Variants in MANBA observed in about 807,000 individuals in gnomAD.
MANBA encodes the protein beta-mannosidase.
In MANBA, 83 loss-of-function variants were observed where a neutral mutation model predicts 111.1. That is an observed-to-expected ratio of 0.75 (90% CI 0.63 to 0.90). The LOEUF (loss-of-function observed/expected upper bound fraction) is 0.90, where lower values mean the gene tolerates loss of function less well. MANBA is among the 40% of genes least tolerant of loss of function. The pLI, the probability that MANBA is intolerant of heterozygous loss-of-function variation, is 0.00. For synonymous variants in MANBA, 370 were observed against 378.7 expected (o/e 0.98, Z 0.27); for missense variants, 1,036 against 1,069.0 (o/e 0.97, Z 0.43).
chr4:102,639,980 T>C (rs1167315468), intron 13 of MANBA, 123 bp from the exon 14 acceptor site: 1 of 1,017,080 alleles, frequency 9.8e-7, no homozygotes, highest in Non-Finnish European at 1.5e-6. Flanking sequence ...TGGATAAAAT[T>C]AGGGAATTTA....
intron 16 of MANBA, 122 bp downstream of exon 16, chr4:102,634,666 C>G (rs960872164): frequency 2.3e-6 from 3 of 1,328,622 alleles, no homozygotes; most frequent in Non-Finnish European, 3.2e-6. Context: ...TTCCCCCAGG[C>G]CTCAGGTAAA....
At chr4:102,708,368 G>C (rs879695704) in intron 5 of MANBA, among the ~76,000 whole-genome samples, 1 of 151,952 alleles carries the variant, frequency 6.6e-6, no homozygotes, top group Non-Finnish European at 1.5e-5. Flanking sequence ...ACCTGCACAA[G>C]CACATGGAAA....
chr4:102,727,745 G>T, intron 1 of MANBA: 1 of 801,496 alleles, frequency 1.2e-6, no homozygotes, highest in Non-Finnish European at 2.2e-6. Flanking sequence ...GCATAGTAGT[G>T]TTTTCCATAA....
intron 13 of MANBA, among the ~76,000 whole-genome samples, chr4:102,649,707 T>C (rs959556566): frequency 2.0e-5 from 3 of 152,146 alleles, no homozygotes; most frequent in Non-Finnish European, 2.9e-5. Flanking sequence ...TCTCTCTTAA[T>C]GGTGTTTTTT....
chr4:102,738,713 G>T (rs1271952328), intron 1 of MANBA, among the ~76,000 whole-genome samples: 1 of 152,136 alleles, frequency 6.6e-6, no homozygotes, highest in Non-Finnish European at 1.5e-5. Context: ...ACCCCCAAAA[G>T]ATCACACTAG....
At chr4:102,640,929 A>G (rs967351446) in intron 13 of MANBA, among the ~76,000 whole-genome samples, 8 of 152,204 alleles carry the variant, frequency 5.3e-5, no homozygotes, top group African/African-American at 1.9e-4. Context: ...AAGAACCTGC[A>G]GGATATGTTA....
intron 1 of MANBA, among the ~76,000 whole-genome samples, chr4:102,738,950 T>C (rs1723310437): frequency 6.6e-6 from 1 of 151,640 alleles, no homozygotes; most frequent in African/African-American, 2.4e-5. Context: ...CTTAGAGAAA[T>C]GCAAAATACA....
chr4:102,698,823 T>G (rs1423412458), intron 5 of MANBA, among the ~76,000 whole-genome samples: 1 of 151,580 alleles, frequency 6.6e-6, no homozygotes, highest in African/African-American at 2.4e-5. Flanking sequence ...TGGCTTAGGA[T>G]TGACTTGGCG....
At position 102,664,818 on chromosome 4, in the gene MANBA, A is replaced by T. The variant is rs776221446; in HGVS notation, c.1352T>A (p.Ile451Lys). The T allele has an allele frequency of 5.6e-6, 9 of 1,608,574 alleles. No individual in the cohort carries two copies. The highest frequency in any genetic ancestry group is 7.7e-6 in the Non-Finnish European group (9 of 1,175,006). Reference protein sequence around the residue: ...KRLKSHPSIIIWSGNNENEEA... With the variant: ...KRLKSHPSIIKWSGNNENEEA... ...CTCATTTTCATTATTGCCACTCCAT[A>T]TGATGATAGAAGGATGAGATTTCAG... The change falls in exon 11 of 17, where the codon ATA becomes AAA. Residue 451 changes from isoleucine (I) to lysine (K), a missense_variant. Physicochemically the swap from Ile to Lys is moderately radical, Grantham distance 102. Coordinates refer to ENST00000647097, the MANE Select transcript of MANBA (RefSeq NM_005908.4).
chr4:102,752,395 A>C (rs1723842560), intron 1 of MANBA: 1 of 1,108,986 alleles, frequency 9.0e-7, no homozygotes, highest in Admixed American at 1.7e-5. Context: ...ACTGTCCCTA[A>C]CTTCAAATAC....
At chr4:102,744,568 C>T (rs969967939) in intron 1 of MANBA, among the ~76,000 whole-genome samples, 2 of 152,214 alleles carry the variant, frequency 1.3e-5, no homozygotes, top group African/African-American at 4.8e-5. Context: ...GGGAAAAAGA[C>T]ATTTGCCAAA....
intron 13 of MANBA, among the ~76,000 whole-genome samples, chr4:102,646,311 T>C (rs748096314): frequency 2.0e-5 from 3 of 152,150 alleles, no homozygotes; most frequent in Non-Finnish European, 4.4e-5. Flanking sequence ...AAGCTCAGTA[T>C]GACCTGGATC....
chr4:102,702,641 C>T (rs1378138242), intron 5 of MANBA, among the ~76,000 whole-genome samples: 2 of 151,976 alleles, frequency 1.3e-5, no homozygotes, highest in East Asian at 3.9e-4. Context: ...CTGTAGAAAC[C>T]ACTATTTTTA....
At chr4:102,665,201 G>A in intron 10 of MANBA, 1 of 251,598 alleles carries the variant, frequency 4.0e-6, no homozygotes, top group Middle Eastern at 1.6e-3. Context: ...AAATACAAAA[G>A]GCAGGAGACA....
intron 13 of MANBA, among the ~76,000 whole-genome samples, chr4:102,642,886 A>G (rs1010999785): frequency 1.6e-4 from 25 of 152,272 alleles, no homozygotes; most frequent in Middle Eastern, 3.4e-3. Context: ...AGTTCCCTCA[A>G]TATCTATATA....
rs747236675 is a variant in MANBA at position 102,634,814 on chromosome 4, C to T, written c.2389G>A (p.Val797Met). Residue 797 changes from valine to methionine, a missense_variant, in exon 16 of 17, where the codon GTG becomes ATG. Physicochemically the swap from Val to Met is conservative, Grantham distance 21 (BLOSUM62 1). Coordinates refer to ENST00000647097, the MANE Select transcript of MANBA (RefSeq NM_005908.4). ...GTGATCTGCGCCTTGCAGAGCCCCA[C>T]GGCCTCCTTCGGTGAGGACAAGAAG... ...YHFLSSPKEA[V>M]GLCKAQITAI... 40 of 1,613,904 alleles carry T rather than the reference C, an allele frequency of 2.5e-5. No individual in the cohort carries two copies. Among genetic ancestry groups the T allele is most frequent in the Non-Finnish European group, 2.8e-5 (33 of 1,180,028 alleles).
intron 7 of MANBA, among the ~76,000 whole-genome samples, chr4:102,684,401 T>A (rs957494509): frequency 6.6e-6 from 1 of 152,124 alleles, no homozygotes; most frequent in Non-Finnish European, 1.5e-5. Context: ...CAGTTTAGCA[T>A]AATCTACAAA....
At position 102,722,053 on chromosome 4, in the gene MANBA, G is replaced by GAAAGA. The variant is rs1188299431; in HGVS notation, c.549+813_549+817dup. Among the ~76,000 whole-genome samples the GAAAGA allele has an allele frequency of 4.1e-5, 6 of 144,690 alleles. 1 individual carries two copies. The Middle Eastern group carries it at 0.011, about 255-fold the overall frequency. The allele number at this position is 144,690 out of a possible 152,430, so 94.9% of individuals were successfully genotyped here. A position where few individuals can be genotyped will look rare whatever the true frequency, so the allele number is the denominator to read the frequency against. ...TCAAAAAAAAAAAAAAAAAAAAAGA[G>GAAAGA]AAAGAAAAGAAAAGAGTAGAATGCT... On this transcript the variant is annotated intron_variant, in intron 4 of 16. Transcript: ENST00000647097.
chr4:102,745,702 C>T (rs1377408009), intron 1 of MANBA, among the ~76,000 whole-genome samples: 3 of 152,164 alleles, frequency 2.0e-5, no homozygotes, highest in Non-Finnish European at 4.4e-5. Context: ...CCCTGAGCTG[C>T]AACATCAAAA....
Sources: gnomAD v4.1 joint callset for allele counts (sites outside exome capture counted in the v4.1 genomes callset) on GRCh38, gnomAD v4.1.1 for gene constraint, MANE v1.5 for transcripts, NCBI Gene and HGNC (gene_info 2026-07-23, HGNC 2026-07-21) for gene names.